The following SEC11C variants were observed in gnomAD, a reference collection of about 807,000 sequenced individuals.
The protein encoded by SEC11C is signal peptidase complex catalytic subunit SEC11C.
In SEC11C, 10 loss-of-function variants were observed where a neutral mutation model predicts 21.9. The ratio of observed to expected loss-of-function variants is 0.46; its 90% confidence interval spans 0.28 to 0.77. SEC11C has a LOEUF of 0.77. SEC11C is among the 30% of genes least tolerant of loss of function. SEC11C has a pLI of 0.12. For missense variants in SEC11C, 145 were observed against 244.5 expected, an observed-to-expected ratio of 0.59 and a Z score of 2.71; for synonymous variants, 83 against 85.6, an observed-to-expected ratio of 0.97 and a Z score of 0.17.
Position 59,140,093 on chromosome 18 carries a change from T to C in SEC11C, c.87+58T>C, listed in dbSNP as rs566286484. ...CGGGACCGCCTGTGCTAGCGGGGAG[T>C]CGGGGCTTCCCAGTCAGGGCTCCGG... On this transcript the variant is annotated intron_variant, in intron 1 of 5. Coordinates refer to ENST00000587834, the MANE Select transcript of SEC11C (RefSeq NM_033280.4). The C allele has an allele frequency of 4.7e-4, 672 of 1,442,460 alleles. 3 individuals carry two copies. The African/African-American group carries it at 9.1e-3, about 20-fold the overall frequency. The allele number at this position is 1,442,460 out of a possible 1,614,324, so 89.4% of individuals were successfully genotyped here.
Position 59,152,599 on chromosome 18 carries a change from C to A in SEC11C, c.261C>A (p.Asp87Glu), listed in dbSNP as rs1418540907. 10 of 1,613,622 alleles carry A rather than the reference C, an allele frequency of 6.2e-6. No homozygotes were observed. The South Asian group carries it at 9.9e-5, about 16-fold the overall frequency. Residue 87 changes from aspartate (D) to glutamate (E), a missense_variant, in exon 3 of 6, where the codon GAC (aspartate) becomes GAA (glutamate). By Grantham distance (45) the Asp-to-Glu change is conservative. Coordinates refer to ENST00000587834, the MANE Select transcript of SEC11C (RefSeq NM_033280.4). ...DLLFLTNFRE[D>E]PIRAGEIVVF... ...TGTTCCTCACAAATTTCCGGGAAGA[C>A]CCAATCAGAGCTGGTGAAATAGTTG...
intron 1 of SEC11C, among the ~76,000 whole-genome samples, chr18:59,142,945 A>T (rs9950473): frequency 0.051 from 7,774 of 152,254 alleles, 686 homozygotes; most frequent in African/African-American, 0.18. Context: ...AACATATTAT[A>T]GCCCAACACT....
chr18:59,149,396 A>T, intron 1 of SEC11C, 117 bp from the exon 2 acceptor site: 1 of 627,178 alleles, frequency 1.6e-6, no homozygotes, highest in Non-Finnish European at 2.9e-6. Context: ...ACCTTGTGTT[A>T]GTTTCCTGTC....
At chr18:59,146,224 A>G (rs901898881) in intron 1 of SEC11C, among the ~76,000 whole-genome samples, 2 of 152,202 alleles carry the variant, frequency 1.3e-5, no homozygotes, top group East Asian at 3.8e-4. Flanking sequence ...GCCAGAATGT[A>G]TAGAATGAAT....
chr18:59,145,737 T>A (rs1439048849), intron 1 of SEC11C, among the ~76,000 whole-genome samples: 1 of 152,216 alleles, frequency 6.6e-6, no homozygotes, highest in African/African-American at 2.4e-5. Context: ...CACCATATAA[T>A]GATGTTTCCA....
At chr18:59,142,047 CATG>C (rs1342759392) in intron 1 of SEC11C, among the ~76,000 whole-genome samples, 4 of 152,090 alleles carry the variant, frequency 2.6e-5, no homozygotes, top group South Asian at 2.1e-4. Flanking sequence ...ACCTGTGAAA[CATG>C]GTGGTGGTTT....
chr18:59,155,579 G>C, intron 3 of SEC11C, 109 bp from the exon 4 acceptor site: 1 of 1,201,332 alleles, frequency 8.3e-7, no homozygotes, highest in East Asian at 2.5e-5. Context: ...ATCTTTGACT[G>C]TTTTTCTAAA....
At position 59,146,912 on chromosome 18, in the gene SEC11C, T is replaced by G. The variant is rs534167728; in HGVS notation, c.88-2601T>G. ...GGACTTTCCAGGGCTTCCCCGATGA[T>G]TCTGAGGTGCAGCCAAGGTTGAGAA... On this transcript the variant is annotated intron_variant, in intron 1 of 5. Coordinates refer to ENST00000587834, the MANE Select transcript of SEC11C (RefSeq NM_033280.4). The G allele has an allele frequency of 5.3e-5, 8 of 152,314 alleles. No individual in the cohort carries two copies. In the East Asian group the frequency reaches 1.5e-3, roughly 29 times the overall value. 9.4% of individuals were successfully genotyped at this position (152,314 alleles called of 1,614,324 possible). A position where few individuals can be genotyped will look rare whatever the true frequency, so the allele number is the denominator to read the frequency against.
chr18:59,145,528 CA>C, intron 1 of SEC11C, among the ~76,000 whole-genome samples: 1 of 152,176 alleles, frequency 6.6e-6, no homozygotes, highest in Non-Finnish European at 1.5e-5. Flanking sequence ...GAAGCATGGA[CA>C]GATACCACCA....
intron 1 of SEC11C, among the ~76,000 whole-genome samples, chr18:59,143,394 G>A (rs1603376391): frequency 6.8e-6 from 1 of 146,470 alleles, no homozygotes; most frequent in Non-Finnish European, 1.5e-5. Context: ...CTTTAATGTT[G>A]AATTATATTT....
At chr18:59,147,518 T>G (rs1472946678) in intron 1 of SEC11C, 5 of 152,352 alleles carry the variant, frequency 3.3e-5, no homozygotes, top group Non-Finnish European at 5.9e-5. Flanking sequence ...AGCCAAATAC[T>G]AGAAGCTGGA....
At chr18:59,158,507 G>T in intron 5 of SEC11C, 125 bp from the exon 6 acceptor site, 2 of 758,002 alleles carry the variant, frequency 2.6e-6, no homozygotes. Context: ...ACAAGCCATG[G>T]GGGGAAGAGG....
chr18:59,141,883 A>G (rs1395127637), intron 1 of SEC11C, among the ~76,000 whole-genome samples: 1 of 152,190 alleles, frequency 6.6e-6, no homozygotes, highest in African/African-American at 2.4e-5. Context: ...CAGCCAGAAT[A>G]TTTGATCTGA....
At chr18:59,152,338 T>C (rs976578232) in intron 2 of SEC11C, among the ~76,000 whole-genome samples, 198 bp from the exon 3 acceptor site, 6 of 152,158 alleles carry the variant, frequency 3.9e-5, no homozygotes, top group African/African-American at 1.4e-4. Context: ...CTGTCAGTGC[T>C]CATGACATGT....
At chr18:59,156,413 G>C (rs1482915436) in intron 4 of SEC11C, 1 of 152,152 alleles carries the variant, frequency 6.6e-6, no homozygotes, top group Non-Finnish European at 1.5e-5. Context: ...ATAGCTTTTC[G>C]TGTCAAATCT....
chr18:59,141,682 T>C (rs2069212502), intron 1 of SEC11C, among the ~76,000 whole-genome samples: 1 of 151,688 alleles, frequency 6.6e-6, no homozygotes, highest in Non-Finnish European at 1.5e-5. Flanking sequence ...TTTTTTCTCT[T>C]CTTCCCTCCA....
chr18:59,156,008 T>G (rs2069414134), intron 4 of SEC11C: 3 of 515,686 alleles, frequency 5.8e-6, no homozygotes, highest in Admixed American at 3.5e-5. Flanking sequence ...CCCAATTATA[T>G]TATCTATATG....
chr18:59,141,803 C>G (rs28513586), intron 1 of SEC11C, among the ~76,000 whole-genome samples: 31,436 of 152,026 alleles, frequency 0.21, 4,053 homozygotes, highest in East Asian at 0.39. Context: ...CCACATGCAA[C>G]ACAAGGGCTC....
Position 59,145,838 on chromosome 18 carries a change from A to G in SEC11C, c.88-3675A>G, listed in dbSNP as rs991761576. Among the ~76,000 whole-genome samples, 7 of 152,302 alleles carry G rather than the reference A, an allele frequency of 4.6e-5. 1 individual carries two copies. The South Asian group carries it at 1.5e-3, about 32-fold the overall frequency. The stretch of plus-strand genomic sequence containing the variant: ...TCTATGTTTAGTTACATAAATACTT[A>G]CCAGTGTGTTACAGTCGCCTGCAGT... On this transcript the variant is annotated intron_variant, in intron 1 of 5. Coordinates refer to ENST00000587834, the MANE Select transcript of SEC11C (RefSeq NM_033280.4).
Sources: gnomAD v4.1 joint callset for allele counts (sites outside exome capture counted in the v4.1 genomes callset) on GRCh38, gnomAD v4.1.1 for gene constraint, MANE v1.5 for transcripts, NCBI Gene and HGNC (gene_info 2026-07-23, HGNC 2026-07-21) for gene names.